The following PCDHGB1 variants were observed in gnomAD, a reference collection of about 807,000 sequenced individuals.
PCDHGB1 encodes protocadherin gamma-B1.
In PCDHGB1, 34 loss-of-function variants were observed where a neutral mutation model predicts 56.6. That is an observed-to-expected ratio of 0.60 (90% CI 0.46 to 0.80). PCDHGB1 has a LOEUF of 0.80. Among genes scored for constraint, PCDHGB1 ranks in the 30% least tolerant of loss-of-function variants. The pLI is 0.00. For missense variants in PCDHGB1, 1,278 were observed against 1,204.6 expected, an observed-to-expected ratio of 1.06 and a Z score of -0.90; for synonymous variants, 561 against 505.9, an observed-to-expected ratio of 1.11 and a Z score of -1.46.
chr5:141,492,948 CA>C (rs2099745260), intron 1 of PCDHGB1, among the ~76,000 whole-genome samples: 1 of 152,188 alleles, frequency 6.6e-6, no homozygotes, highest in Non-Finnish European at 1.5e-5. Flanking sequence ...TGGAGGTGAC[CA>C]AACTATCTGA....
In PCDHGB1 at chr5:141,489,307, T is replaced by A; in HGVS notation, c.2410-5500T>A. On this transcript the variant is annotated intron_variant, in intron 1 of 3. Transcript: ENST00000523390. The surrounding 1 kb of genome is among the most constrained non-coding windows in gnomAD (Gnocchi z 4.5). ...AGTGCTGTGCATGTTGTCCTTGTGCTGCTGGGGCTGGGTGTCTGGGCAGCT... is the reference window on the plus strand; with the variant it reads ...AGTGCTGTGCATGTTGTCCTTGTGCAGCTGGGGCTGGGTGTCTGGGCAGCT... The A allele has an allele frequency of 6.3e-7, 1 of 1,591,138 alleles. No individual in the cohort carries two copies. The highest frequency in any genetic ancestry group is 8.6e-7 in the Non-Finnish European group (1 of 1,168,222).
chr5:141,355,284 C>A (rs548905369), intron 1 of PCDHGB1: 4 of 1,613,732 alleles, frequency 2.5e-6, no homozygotes, highest in Non-Finnish European at 1.7e-6. Flanking sequence ...AAATCAGGGC[C>A]GAACAGATTC....
At chr5:141,467,906 A>T (rs917983299) in intron 1 of PCDHGB1, among the ~76,000 whole-genome samples, 5 of 152,002 alleles carry the variant, frequency 3.3e-5, no homozygotes, top group African/African-American at 9.7e-5. Flanking sequence ...AAATCCGCCC[A>T]CCTCAGCCTC....
intron 1 of PCDHGB1, among the ~76,000 whole-genome samples, chr5:141,369,500 C>G (rs1329582945): frequency 2.0e-5 from 3 of 151,738 alleles, no homozygotes; most frequent in Non-Finnish European, 4.4e-5. Context: ...AACCCCACCT[C>G]TATAGAAAAA....
intron 1 of PCDHGB1, chr5:141,402,972 G>C: frequency 6.2e-7 from 1 of 1,608,318 alleles, no homozygotes; most frequent in Non-Finnish European, 8.5e-7. Flanking sequence ...CCAACCAAAT[G>C]CCAGCTCCGC....
chr5:141,409,226 G>A (rs753236012), intron 1 of PCDHGB1: 1 of 1,613,862 alleles, frequency 6.2e-7, no homozygotes, highest in African/African-American at 1.3e-5. Flanking sequence ...TGATGAAAAC[G>A]ACAACAGCCC....
In PCDHGB1 at chr5:141,380,519, G is replaced by C. The variant is rs564373516; in HGVS notation, c.2409+27850G>C. 2.0e-5 allele frequency among the ~76,000 whole-genome samples: 3 copies of C among 152,234 alleles called. No homozygotes were observed. In the East Asian group the frequency reaches 5.8e-4, roughly 29 times the overall value. ...CAATAATATACACTCTTTAAACTATGAAATGATTTCAATTTGATACAATGA... is the reference window on the plus strand; with the variant it reads ...CAATAATATACACTCTTTAAACTATCAAATGATTTCAATTTGATACAATGA... On this transcript the variant is annotated intron_variant, in intron 1 of 3. Transcript: ENST00000523390.
intron 3 of PCDHGB1, among the ~76,000 whole-genome samples, chr5:141,506,032 G>A (rs994735467): frequency 5.9e-5 from 9 of 152,166 alleles, no homozygotes; most frequent in Non-Finnish European, 1.0e-4. Context: ...TCCAGAGTAG[G>A]ATTCTGGTTT....
rs777168071 is a variant in PCDHGB1 at position 141,477,745 on chromosome 5, C to A, written c.2410-17062C>A. The A allele has an allele frequency of 5.0e-6, 8 of 1,613,682 alleles. No homozygotes were observed. The highest frequency in any genetic ancestry group is 6.8e-6 in the Non-Finnish European group (8 of 1,180,042). On this transcript the variant is annotated intron_variant, in intron 1 of 3. Transcript: ENST00000523390. The surrounding 1 kb of genome is among the most constrained non-coding windows in gnomAD (Gnocchi z 4.9). ...TAACAGCTCATATCAGCGATGGGGG[C>A]ACCCCGGTCCTAGCCACCAACATCA...
At chr5:141,423,833 T>A in intron 1 of PCDHGB1, 1 of 1,262,398 alleles carries the variant, frequency 7.9e-7, no homozygotes, top group Non-Finnish European at 1.0e-6. Context: ...TTCATGAGAT[T>A]ACGATAATCT....
chr5:141,394,249 C>G (rs1055429829), intron 1 of PCDHGB1: 2 of 1,613,964 alleles, frequency 1.2e-6, no homozygotes, highest in South Asian at 2.2e-5. Context: ...GCACACGACC[C>G]CGACAGCCAG....
intron 1 of PCDHGB1, chr5:141,479,196 C>T (rs2099489838): frequency 2.0e-5 from 3 of 152,432 alleles, no homozygotes; most frequent in African/African-American, 7.2e-5. Context: ...TCAGAAAATA[C>T]AGAAAAGTAT....
rs746357528 is a variant in PCDHGB1, at chr5:141,375,442, C to G, written c.2409+22773C>G. 3.1e-6 allele frequency: 5 copies of G among 1,614,034 alleles called. No homozygotes were observed. In the South Asian group the frequency reaches 3.3e-5, roughly 11 times the overall value. On this transcript the variant is annotated intron_variant, in intron 1 of 3. Coordinates refer to ENST00000523390, the MANE Select transcript of PCDHGB1 (RefSeq NM_018922.3). ...CCAACGACAACCCGCCCACCTTCCC[C>G]CATTCATCCTACTCAGTCTATGTCC... is the stretch of plus-strand genomic sequence containing the variant.
chr5:141,382,731 A>G (rs1250192091), intron 1 of PCDHGB1: 6 of 554,412 alleles, frequency 1.1e-5, no homozygotes, highest in Non-Finnish European at 1.8e-5. Flanking sequence ...TTTACAGCAC[A>G]GAGAAACGAC....
In PCDHGB1 at chr5:141,489,515, G is replaced by A. The variant is rs983415025; in HGVS notation, c.2410-5292G>A. On this transcript the variant is annotated intron_variant, in intron 1 of 3. Coordinates refer to ENST00000523390, the MANE Select transcript of PCDHGB1 (RefSeq NM_018922.3). The surrounding 1 kb of genome is among the most constrained non-coding windows in gnomAD (Gnocchi z 4.5). ...CTGGCAGTGAATCAAAAGATTGACC[G>A]AGAAAGCCTATGTGGAGCCAGCACC... 2 of 1,614,104 alleles carry A rather than the reference G, an allele frequency of 1.2e-6. No homozygotes were observed. Among genetic ancestry groups the A allele is most frequent in the Non-Finnish European group, 8.5e-7 (1 of 1,180,034 alleles).
intron 1 of PCDHGB1, among the ~76,000 whole-genome samples, chr5:141,479,138 T>G (rs1469363480): frequency 6.6e-6 from 1 of 152,232 alleles, no homozygotes; most frequent in Non-Finnish European, 1.5e-5. Flanking sequence ...GCACCCTGCT[T>G]ACAAAATATT....
rs748972821 is a variant in PCDHGB1 at position 141,476,094 on chromosome 5, GAGAGGAACT to G, written c.2410-18712_2410-18704del. ...TCTCAGGGACGATCTGGACCCCGCT[GAGAGGAACT>G]GCTTTTGAGTGAGATGGTCCCAGAG... is the stretch of plus-strand genomic sequence containing the variant. On this transcript the variant is annotated intron_variant, in intron 1 of 3. Coordinates refer to ENST00000523390, the MANE Select transcript of PCDHGB1 (RefSeq NM_018922.3). This position sits in a 1 kb window ranked among gnomAD's most constrained non-coding sequence, Gnocchi z 7.6. 6.4e-7 allele frequency: 1 copy of G among 1,568,172 alleles called. No individual in the cohort carries two copies. The highest frequency in any genetic ancestry group is 1.2e-5 in the South Asian group (1 of 85,292).
chr5:141,395,797 A>G (rs56946131), intron 1 of PCDHGB1: 16,957 of 151,702 alleles, frequency 0.11, 1,119 homozygotes, highest in African/African-American at 0.18. Flanking sequence ...ACTTCTTACC[A>G]TCCTTCAAAA....
At chr5:141,383,684 T>C in intron 1 of PCDHGB1, 5 of 1,614,014 alleles carry the variant, frequency 3.1e-6, no homozygotes, top group Non-Finnish European at 4.2e-6. Flanking sequence ...ACAAGACTGC[T>C]CACGGTACAT....
Sources: allele counts gnomAD v4.1 joint callset (sites outside exome capture counted in the v4.1 genomes callset), GRCh38; gene constraint gnomAD v4.1.1; non-coding constraint Gnocchi (gnomAD v3.1); transcripts MANE v1.5; gene names NCBI Gene and HGNC (gene_info 2026-07-23, HGNC 2026-07-21).